Variants in FGF12 observed in about 807,000 individuals in gnomAD.
FGF12 encodes fibroblast growth factor 12B.
Under a neutral mutation model 23.6 loss-of-function variants are expected in FGF12, and 14 were observed. That is an observed-to-expected ratio of 0.59 (90% CI 0.39 to 0.93). FGF12 has a LOEUF of 0.93. FGF12 is among the 40% of genes least tolerant of loss of function. The pLI is 0.00. For synonymous variants in FGF12, 62 were observed against 77.3 expected, an observed-to-expected ratio of 0.80 and a Z score of 1.04; for missense variants, 175 against 217.8, an observed-to-expected ratio of 0.80 and a Z score of 1.24.
chr3:192,145,961 T>A (rs1713676418), intron 5 of FGF12, among the ~76,000 whole-genome samples: 1 of 152,178 alleles, frequency 6.6e-6, no homozygotes, highest in Admixed American at 6.5e-5. Flanking sequence ...TAAAGCATAG[T>A]TTTTTATTTG....
intron 2 of FGF12, among the ~76,000 whole-genome samples, chr3:192,441,800 C>T (rs1722208381): frequency 6.6e-6 from 1 of 152,152 alleles, no homozygotes; most frequent in African/African-American, 2.4e-5. Flanking sequence ...TACCAATTAC[C>T]TCTCAAAGAC....
At chr3:192,585,581 G>C (rs1336680393) in intron 2 of FGF12, among the ~76,000 whole-genome samples, 1 of 151,970 alleles carries the variant, frequency 6.6e-6, no homozygotes, top group Non-Finnish European at 1.5e-5. Flanking sequence ...AAGGAGGTTG[G>C]GCCTGTAGAA....
intron 2 of FGF12, among the ~76,000 whole-genome samples, chr3:192,679,912 G>A (rs1717459636): frequency 6.6e-6 from 1 of 152,166 alleles, no homozygotes; most frequent in Non-Finnish European, 1.5e-5. Context: ...CTGAGCTGGG[G>A]CAGCATAAAA....
At chr3:192,324,580 G>T (rs1375664860) in intron 4 of FGF12, among the ~76,000 whole-genome samples, 3 of 152,090 alleles carry the variant, frequency 2.0e-5, no homozygotes, top group African/African-American at 7.2e-5. Flanking sequence ...TTACACATAA[G>T]AAAACAATCT....
intron 2 of FGF12, among the ~76,000 whole-genome samples, chr3:192,387,161 G>A (rs1720080896): frequency 6.6e-6 from 1 of 152,162 alleles, no homozygotes; most frequent in South Asian, 2.1e-4. Flanking sequence ...GTTACTATCA[G>A]TGAATCACAA....
chr3:192,645,112 A>C (rs1715953612), intron 2 of FGF12, among the ~76,000 whole-genome samples: 1 of 152,146 alleles, frequency 6.6e-6, no homozygotes, highest in South Asian at 2.1e-4. Flanking sequence ...AAGCCAAAGA[A>C]GCTTGGGGCT....
At chr3:192,576,700 A>C (rs977345704) in intron 2 of FGF12, among the ~76,000 whole-genome samples, 30 of 152,226 alleles carry the variant, frequency 2.0e-4, no homozygotes, top group African/African-American at 7.0e-4. Context: ...GCAGAGAAAG[A>C]ACAACAGTTT....
At chr3:192,280,477 C>G (rs1714079344) in intron 4 of FGF12, among the ~76,000 whole-genome samples, 1 of 152,020 alleles carries the variant, frequency 6.6e-6, no homozygotes, top group Non-Finnish European at 1.5e-5. Flanking sequence ...AAGTCTTTTG[C>G]TACTGTAAAA....
intron 4 of FGF12, among the ~76,000 whole-genome samples, chr3:192,251,351 C>T (rs1461187033): frequency 1.3e-5 from 2 of 152,144 alleles, no homozygotes; most frequent in Non-Finnish European, 2.9e-5. Flanking sequence ...TTGTCTATAA[C>T]TCTATTGTAC....
At chr3:192,727,159 C>T (rs1406901055) in intron 2 of FGF12, 22 bp downstream of exon 2, 14 of 1,573,156 alleles carry the variant, frequency 8.9e-6, no homozygotes, top group Middle Eastern at 1.7e-4. Flanking sequence ...CGGGAAGTCC[C>T]CCGATAGGGA....
At chr3:192,165,902 G>T (rs1200809737) in intron 5 of FGF12, among the ~76,000 whole-genome samples, 1 of 152,094 alleles carries the variant, frequency 6.6e-6, no homozygotes, top group Non-Finnish European at 1.5e-5. Flanking sequence ...TGGTTACTTA[G>T]TTACTTTAAA....
chr3:192,685,624 C>T (rs890310412), intron 2 of FGF12, among the ~76,000 whole-genome samples: 2 of 152,070 alleles, frequency 1.3e-5, no homozygotes, highest in African/African-American at 4.8e-5. Flanking sequence ...AAGGAGGTGA[C>T]AGCAGGTACC....
intron 4 of FGF12, among the ~76,000 whole-genome samples, chr3:192,270,009 T>C (rs2108627012): frequency 6.6e-6 from 1 of 152,332 alleles, no homozygotes; most frequent in East Asian, 1.9e-4. Context: ...ATATTTGTAA[T>C]ACTGTAGTAT....
intron 2 of FGF12, among the ~76,000 whole-genome samples, chr3:192,694,296 AATGT>A (rs1718038319): frequency 6.6e-6 from 1 of 152,186 alleles, no homozygotes. Flanking sequence ...TGTTAGTGGG[AATGT>A]AAATTGGTGT....
chr3:192,170,409 G>A, intron 5 of FGF12, 49 bp downstream of exon 5: 1 of 1,511,620 alleles, frequency 6.6e-7, no homozygotes, highest in Non-Finnish European at 9.2e-7. Context: ...CAGAATTGAT[G>A]TCAACACACA....
At position 192,311,285 on chromosome 3, in the gene FGF12, T is replaced by C. The variant is rs887929090; in HGVS notation, c.228+24076A>G. ...CACCTCACAAAGCAACCCCACACCC[T>C]TTAGCTGTGAACCCCTTCCATTCCT... On this transcript the variant is annotated intron_variant, in intron 4 of 5. Coordinates refer to ENST00000445105, the MANE Select transcript of FGF12 (RefSeq NM_004113.6). 9.2e-5 allele frequency among the ~76,000 whole-genome samples: 14 copies of C among 152,256 alleles called. No individual in the cohort carries two copies. In the South Asian group the frequency reaches 2.7e-3, roughly 29 times the overall value.
intron 4 of FGF12, among the ~76,000 whole-genome samples, chr3:192,264,745 T>C (rs1049575336): frequency 3.3e-5 from 5 of 152,086 alleles, no homozygotes; most frequent in African/African-American, 1.2e-4. Context: ...AAATCTCTAA[T>C]ATACTCCTGG....
rs11917620 is a variant in FGF12, at chr3:192,314,287, T to A, written c.228+21074A>T. On this transcript the variant is annotated intron_variant, in intron 4 of 5. Coordinates refer to ENST00000445105, the MANE Select transcript of FGF12 (RefSeq NM_004113.6). The stretch of plus-strand genomic sequence containing the variant: ...ATTGCTTAAAATTAAAAATTAAAAT[T>A]AAAAAAAAAACAAAATAAAAGCTAA... 1.4e-3 allele frequency among the ~76,000 whole-genome samples: 190 copies of A among 139,590 alleles called. 1 individual carries two copies. The highest frequency in any genetic ancestry group is 5.6e-3 in the African/African-American group (179 of 31,738). The allele number at this position is 139,590 out of a possible 152,430, so 91.6% of individuals were successfully genotyped here. A position where few individuals can be genotyped will look rare whatever the true frequency, so the allele number is the denominator to read the frequency against.
intron 2 of FGF12, among the ~76,000 whole-genome samples, chr3:192,654,847 C>T (rs1441921425): frequency 6.6e-6 from 1 of 151,926 alleles, no homozygotes; most frequent in Non-Finnish European, 1.5e-5. Flanking sequence ...TAAATGCTAG[C>T]TATGTATAGA....
Sources: allele counts gnomAD v4.1 joint callset (sites outside exome capture counted in the v4.1 genomes callset), GRCh38; gene constraint gnomAD v4.1.1; transcripts MANE v1.5; gene names NCBI Gene and HGNC (gene_info 2026-07-23, HGNC 2026-07-21).